Variants in MFAP3 observed in about 807,000 individuals in gnomAD.
MFAP3 encodes the protein microfibril associated protein 3, also known as microfibril-associated glycoprotein 3.
In MFAP3, 8 loss-of-function variants were observed where a neutral mutation model predicts 20.5. The observed-to-expected ratio is 0.39, with a 90% CI of 0.23 to 0.70. The LOEUF is 0.70. Ranked by LOEUF, MFAP3 falls within the 30% of genes least tolerant of loss-of-function variation. The pLI is 0.44. For missense variants in MFAP3, 398 were observed against 444.6 expected (o/e 0.90, Z 0.94); for synonymous variants, 140 against 154.0 (o/e 0.91, Z 0.67).
intron 1 of MFAP3, among the ~76,000 whole-genome samples, chr5:154,044,358 C>T (rs1773028468): frequency 6.6e-6 from 1 of 152,174 alleles, no homozygotes; most frequent in Non-Finnish European, 1.5e-5. Context: ...TTTGTTCTTC[C>T]CTCACTATTT....
At chr5:154,042,321 A>G (rs1772973397) in intron 1 of MFAP3, among the ~76,000 whole-genome samples, 1 of 152,210 alleles carries the variant, frequency 6.6e-6, no homozygotes, top group Non-Finnish European at 1.5e-5. Context: ...GATATAAGTT[A>G]TGGGTATAAC....
Position 154,053,257 on chromosome 5 carries a change from A to T in MFAP3, c.633A>T (p.Ser211=), listed in dbSNP as rs373363346. Residue 211 remains serine (S), a synonymous_variant, in exon 3 of 3, where the codon TCA becomes TCT. Coordinates refer to ENST00000522782, the MANE Select transcript of MFAP3 (RefSeq NM_005927.5). The stretch of plus-strand genomic sequence containing the variant: ...CAAAACGTATCCCCATCATTACCTC[A>T]GCCAAAACTCTGGAGCTCGCCAAAG... The part of the protein sequence containing the change: ...EIAKRIPIIT[S]AKTLELAKVT... The T allele has an allele frequency of 4.3e-6, 7 of 1,613,910 alleles. No individual in the cohort carries two copies. Among genetic ancestry groups the T allele is most frequent in the Non-Finnish European group, 5.9e-6 (7 of 1,179,932 alleles).
At position 154,053,480 on chromosome 5, in the gene MFAP3, A is replaced by G. The variant is rs769706467; in HGVS notation, c.856A>G (p.Ile286Val). The G allele has an allele frequency of 1.2e-6, 2 of 1,613,870 alleles. No individual in the cohort carries two copies. The highest frequency in any genetic ancestry group is 1.7e-5 in the Admixed American group (1 of 59,976). ...GAATGCTCAAGGTGGCATCTATGTCATTAACCCAGAGATGGGACGGAGTAA... is the reference window on the plus strand; with the variant it reads ...GAATGCTCAAGGTGGCATCTATGTCGTTAACCCAGAGATGGGACGGAGTAA... ...ALNAQGGIYV[I>V]NPEMGRSNSP... Residue 286 changes from isoleucine to valine, a missense_variant, in exon 3 of 3, where the codon ATT (isoleucine) becomes GTT (valine). Transcript: ENST00000522782.
chr5:154,046,335 C>G (rs930731588), intron 1 of MFAP3, among the ~76,000 whole-genome samples: 1 of 152,214 alleles, frequency 6.6e-6, no homozygotes, highest in Admixed American at 6.5e-5. Context: ...TGTTGCATAA[C>G]ATTATTCAAT....
At position 154,053,183 on chromosome 5, in the gene MFAP3, T is replaced by C; in HGVS notation, c.559T>C (p.Phe187Leu). 1 of 1,613,762 alleles carries C rather than the reference T, an allele frequency of 6.2e-7. No individual in the cohort carries two copies. The highest frequency in any genetic ancestry group is 1.1e-5 in the South Asian group (1 of 91,072). The change falls in exon 3 of 3, where the codon TTC (phenylalanine) becomes CTC (leucine). Residue 187 changes from phenylalanine (F) to leucine (L), a missense_variant. Phe to Leu is a conservative substitution (Grantham distance 22). Coordinates refer to ENST00000522782, the MANE Select transcript of MFAP3 (RefSeq NM_005927.5). The part of the protein sequence containing the change: ...LRKTEKAINE[F>L]FRTEGAEKLQ... ...CAAGACTGAGAAGGCTATCAATGAG[T>C]TCTTTAGAACTGAAGGGGCTGAGAA...
chr5:154,046,181 TA>T (rs1773069890), intron 1 of MFAP3, among the ~76,000 whole-genome samples: 1 of 152,222 alleles, frequency 6.6e-6, no homozygotes, highest in Non-Finnish European at 1.5e-5. Context: ...GACAACATGG[TA>T]AATGAAGGTA....
intron 1 of MFAP3, among the ~76,000 whole-genome samples, chr5:154,044,829 C>G (rs531004725): frequency 6.6e-6 from 1 of 152,192 alleles, no homozygotes; most frequent in South Asian, 2.1e-4. Context: ...TGAACTTAAT[C>G]TTTTTTCTCC....
chr5:154,052,186 A>G (rs1262214101), intron 2 of MFAP3, among the ~76,000 whole-genome samples: 1 of 152,164 alleles, frequency 6.6e-6, no homozygotes, highest in East Asian at 1.9e-4. Context: ...AAATGGAAGC[A>G]TAGGCATCTT....
intron 1 of MFAP3, among the ~76,000 whole-genome samples, chr5:154,045,357 C>T (rs1477117168): frequency 1.3e-5 from 2 of 152,084 alleles, no homozygotes; most frequent in East Asian, 3.8e-4. Context: ...GGGATCCAAG[C>T]TCAGTTTACA....
chr5:154,041,377 G>A (rs1405683599), intron 1 of MFAP3, among the ~76,000 whole-genome samples: 1 of 152,252 alleles, frequency 6.6e-6, no homozygotes, highest in African/African-American at 2.4e-5. Flanking sequence ...TAGATTATAG[G>A]ATTTAAGCAA....
rs769904193 is a variant in MFAP3 at position 154,053,301 on chromosome 5, TG to T, written c.679del (p.Glu227SerfsTer20). 1 of 1,613,944 alleles carries T rather than the reference TG, an allele frequency of 6.2e-7. No homozygotes were observed. The highest frequency in any genetic ancestry group is 2.2e-5 in the East Asian group (1 of 44,902). On this transcript the variant is annotated frameshift_variant, in exon 3 of 3. Transcript: ENST00000522782. LOFTEE classifies it high-confidence loss of function. The part of the protein sequence containing the change: ...ELAKVTQFKT[M>X]EFARYIEELA... The stretch of plus-strand genomic sequence containing the variant: ...GCCAAAGTCACACAATTTAAGACCA[TG>T]GAGTTTGCTCGTTATATTGAAGAAC...
chr5:154,049,225 A>G (rs1284333177), intron 1 of MFAP3, among the ~76,000 whole-genome samples: 1 of 152,162 alleles, frequency 6.6e-6, no homozygotes, highest in Non-Finnish European at 1.5e-5. Flanking sequence ...AAATAGAATC[A>G]TGGCATTTCA....
At chr5:154,044,457 A>G (rs1479276868) in intron 1 of MFAP3, among the ~76,000 whole-genome samples, 1 of 152,158 alleles carries the variant, frequency 6.6e-6, no homozygotes, top group African/African-American at 2.4e-5. Context: ...CAAATGGGTT[A>G]TATCCGTTAG....
chr5:154,051,721 A>G (rs939188971), intron 2 of MFAP3: 2 of 152,200 alleles, frequency 1.3e-5, no homozygotes, highest in South Asian at 4.1e-4. Context: ...GCTTTTAAAT[A>G]TATTAATACC....
chr5:154,050,005 G>A lies in MFAP3; in HGVS notation c.283G>A (p.Gly95Ser). ...CAATTCAAAAGGACAGCAACTGGAT[G>A]GCAGAAGCAGAGGTAATTGGTCAGG... Reference protein sequence around the residue: ...WHNSKGQQLDGRSRGGKWLVS... With the variant: ...WHNSKGQQLDSRSRGGKWLVS... The change falls in exon 2 of 3, where the codon GGC becomes AGC. Residue 95 changes from glycine to serine, a missense_variant. Coordinates refer to ENST00000522782, the MANE Select transcript of MFAP3 (RefSeq NM_005927.5). The A allele has an allele frequency of 6.2e-7, 1 of 1,603,702 alleles. No homozygotes were observed. The highest frequency in any genetic ancestry group is 1.1e-5 in the South Asian group (1 of 90,498).
At chr5:154,047,267 T>C (rs902142461) in intron 1 of MFAP3, among the ~76,000 whole-genome samples, 1 of 152,178 alleles carries the variant, frequency 6.6e-6, no homozygotes, top group Non-Finnish European at 1.5e-5. Context: ...TTGGGTAACA[T>C]TGAGTTTATT....
rs1474284155 is a variant in MFAP3, at chr5:154,053,317, T to C, written c.693T>C (p.Tyr231=). Residue 231 remains tyrosine (Y), a synonymous_variant, in exon 3 of 3, where the codon TAT becomes TAC. Coordinates refer to ENST00000522782, the MANE Select transcript of MFAP3 (RefSeq NM_005927.5). ...TQFKTMEFAR[Y]IEELARSVPL... ...TTAAGACCATGGAGTTTGCTCGTTA[T>C]ATTGAAGAACTGGCAAGAAGTGTCC... The C allele has an allele frequency of 4.3e-6, 7 of 1,613,974 alleles. No individual in the cohort carries two copies. The highest frequency in any genetic ancestry group is 4.0e-5 in the African/African-American group (3 of 74,930).
chr5:154,049,242 G>C (rs1246521593), intron 1 of MFAP3, among the ~76,000 whole-genome samples: 4 of 152,164 alleles, frequency 2.6e-5, no homozygotes, highest in Non-Finnish European at 4.4e-5. Flanking sequence ...TTCAGAATTG[G>C]AAGAGTCCTT....
At chr5:154,040,075 G>T (rs568332979) in intron 1 of MFAP3, among the ~76,000 whole-genome samples, 2 of 152,300 alleles carry the variant, frequency 1.3e-5, no homozygotes, top group African/African-American at 4.8e-5. Flanking sequence ...AGAATTTGGG[G>T]CTAAAGTATG....
Sources: allele counts gnomAD v4.1 joint callset (sites outside exome capture counted in the v4.1 genomes callset), GRCh38; gene constraint gnomAD v4.1.1; transcripts MANE v1.5; gene names NCBI Gene and HGNC (gene_info 2026-07-23, HGNC 2026-07-21).